Variants in ZFHX3 observed in about 807,000 individuals in gnomAD.
ZFHX3 encodes the protein zinc finger homeobox 3, also known as zinc finger homeobox protein 3.
A neutral mutation model predicts 279.1 loss-of-function variants in ZFHX3; 42 were observed. The ratio of observed to expected loss-of-function variants is 0.15; its 90% CI spans 0.12 to 0.19. The LOEUF (loss-of-function observed/expected upper bound fraction) is 0.19, where lower values mean the gene tolerates loss of function less well. ZFHX3 is among the 10% of genes least tolerant of loss of function. The pLI is 1.00. For synonymous variants in ZFHX3, 2,293 were observed against 1,957.8 expected, an observed-to-expected ratio of 1.17 and a Z score of -4.52; for missense variants, 4,981 against 4,754.0, an observed-to-expected ratio of 1.05 and a Z score of -1.40.
intron 3 of ZFHX3, among the ~76,000 whole-genome samples, chr16:72,894,082 G>C (rs2038836305): frequency 6.6e-6 from 1 of 150,658 alleles, no homozygotes; most frequent in African/African-American, 2.4e-5. Context: ...CTGGGAGGCA[G>C]AGGTTGCAGT....
chr16:73,215,957 T>A (rs1567420633), intron 5 of ZFHX3, among the ~76,000 whole-genome samples: 2 of 152,108 alleles, frequency 1.3e-5, no homozygotes, highest in African/African-American at 4.8e-5. Flanking sequence ...CTGTTCATGC[T>A]TTTATACTCA....
At chr16:72,825,922 T>A (rs191401613) in intron 5 of ZFHX3, among the ~76,000 whole-genome samples, 20 of 152,326 alleles carry the variant, frequency 1.3e-4, no homozygotes, top group African/African-American at 4.3e-4. Flanking sequence ...TTTCTATCCA[T>A]ACCAAAAGTT....
At chr16:73,649,711 T>C (rs1265676428) in intron 2 of ZFHX3, among the ~76,000 whole-genome samples, 1 of 152,150 alleles carries the variant, frequency 6.6e-6, no homozygotes, top group Non-Finnish European at 1.5e-5. Flanking sequence ...GGAAAATAAA[T>C]AAGCTTATCT....
chr16:73,453,773 T>G (rs947920460), intron 3 of ZFHX3, among the ~76,000 whole-genome samples: 19 of 152,128 alleles, frequency 1.2e-4, no homozygotes, highest in Admixed American at 7.9e-4. Flanking sequence ...TGGTGGAAGG[T>G]GAAAAGCATG....
At chr16:72,891,994 G>T (rs1410394099) in intron 3 of ZFHX3, among the ~76,000 whole-genome samples, 1 of 152,214 alleles carries the variant, frequency 6.6e-6, no homozygotes, top group Non-Finnish European at 1.5e-5. Context: ...AGCTAGAATG[G>T]TTAGAATGCC....
intron 4 of ZFHX3, among the ~76,000 whole-genome samples, chr16:72,888,131 C>T (rs1263513697): frequency 1.3e-5 from 2 of 152,082 alleles, no homozygotes; most frequent in Non-Finnish European, 2.9e-5. Flanking sequence ...GAAAGCTGAT[C>T]CCCTGGAAAA....
At chr16:73,602,345 T>C (rs1364210049) in intron 2 of ZFHX3, among the ~76,000 whole-genome samples, 1 of 152,170 alleles carries the variant, frequency 6.6e-6, no homozygotes, top group African/African-American at 2.4e-5. Context: ...ACCGTATGAA[T>C]ACTACAGAAC....
chr16:73,773,737 C>A (rs1019431356), intron 1 of ZFHX3, among the ~76,000 whole-genome samples: 6 of 152,030 alleles, frequency 3.9e-5, no homozygotes, highest in African/African-American at 1.4e-4. Flanking sequence ...GTAAATAAAG[C>A]CATGGGTGTT....
intron 1 of ZFHX3, among the ~76,000 whole-genome samples, chr16:73,694,474 G>T (rs1428374353): frequency 6.6e-6 from 1 of 152,016 alleles, no homozygotes; most frequent in East Asian, 1.9e-4. Context: ...CTCCTGAGTA[G>T]CTGGGGCTAC....
At chr16:73,596,836 C>T (rs12920991) in intron 2 of ZFHX3, among the ~76,000 whole-genome samples, 109,843 of 152,110 alleles carry the variant, frequency 0.72, 43,057 homozygotes, top group East Asian at 0.99. Flanking sequence ...TAGTGTCTAG[C>T]AGACAATAAA....
chr16:73,033,549 C>T (rs1282574212), intron 1 of ZFHX3, among the ~76,000 whole-genome samples: 1 of 152,070 alleles, frequency 6.6e-6, no homozygotes, highest in Non-Finnish European at 1.5e-5. Context: ...GGGGGACTGG[C>T]ACTCCTTTTA....
intron 2 of ZFHX3, among the ~76,000 whole-genome samples, chr16:73,634,943 A>G (rs901513272): frequency 2.6e-5 from 4 of 152,174 alleles, no homozygotes; most frequent in African/African-American, 4.8e-5. Context: ...TAAAAAAGTG[A>G]AAGTACAGGT....
intron 5 of ZFHX3, among the ~76,000 whole-genome samples, chr16:73,159,976 G>A (rs1174318383): frequency 6.6e-6 from 1 of 152,044 alleles, no homozygotes; most frequent in Non-Finnish European, 1.5e-5. Context: ...TTGACCAGGT[G>A]GGTCTCGAAC....
intron 1 of ZFHX3, among the ~76,000 whole-genome samples, chr16:72,990,683 G>C (rs763810197): frequency 2.6e-5 from 4 of 152,136 alleles, no homozygotes; most frequent in Non-Finnish European, 4.4e-5. Flanking sequence ...CTAACACCTT[G>C]AAATGGGTCA....
chr16:73,073,162 G>A (rs1381796205), intron 8 of ZFHX3, among the ~76,000 whole-genome samples: 1 of 152,170 alleles, frequency 6.6e-6, no homozygotes, highest in African/African-American at 2.4e-5. Context: ...CTCCCAAAGT[G>A]CTAGGATTAC....
intron 1 of ZFHX3, among the ~76,000 whole-genome samples, chr16:73,043,399 A>C (rs926338517): frequency 1.3e-5 from 2 of 152,228 alleles, no homozygotes; most frequent in African/African-American, 4.8e-5. Context: ...TCTTGCTTCA[A>C]AATGGGGCTG....
intron 7 of ZFHX3, 112 bp from the exon 8 acceptor site, chr16:72,800,241 G>T (rs2036054705): frequency 3.6e-6 from 3 of 822,034 alleles, no homozygotes; most frequent in Admixed American, 4.4e-5. Flanking sequence ...AAAGCTAGAG[G>T]TGTCTCACTT....
At position 73,765,565 on chromosome 16, in the gene ZFHX3, T is replaced by G. The variant is rs2053924267; in HGVS notation, c.-1607-85325A>C. The stretch of plus-strand genomic sequence containing the variant: ...CTCCATTTAGACTTTAAATCAAACA[T>G]CAGGAAAGGACACCTGGGACTTGAG... On this transcript the variant is annotated intron_variant, in intron 1 of 17. Coordinates refer to the ZFHX3 transcript ENST00000641206. 2.6e-5 allele frequency among the ~76,000 whole-genome samples: 4 copies of G among 152,314 alleles called. No homozygotes were observed. In the East Asian group the frequency reaches 5.8e-4, roughly 22 times the overall value.
At chr16:72,938,182 A>G (rs959358331) in intron 3 of ZFHX3, among the ~76,000 whole-genome samples, 2 of 152,264 alleles carry the variant, frequency 1.3e-5, no homozygotes, top group Non-Finnish European at 2.9e-5. Context: ...GTTCTGGAAA[A>G]CCAGGGATAT....
Sources: gnomAD v4.1 joint callset for allele counts (sites outside exome capture counted in the v4.1 genomes callset) on GRCh38, gnomAD v4.1.1 for gene constraint, MANE v1.5 for transcripts, NCBI Gene and HGNC (gene_info 2026-07-23, HGNC 2026-07-21) for gene names.